DEAF1: variants seen among roughly 807,000 people sequenced by gnomAD.
DEAF1 encodes deformed epidermal autoregulatory factor 1 homolog.
Under a neutral mutation model 58.9 loss-of-function variants are expected in DEAF1, and 53 were observed. The ratio of observed to expected loss-of-function variants is 0.90; its 90% CI spans 0.72 to 1.13. DEAF1 has a LOEUF of 1.13. Among genes scored for constraint, DEAF1 ranks in the 50% most tolerant of loss-of-function variants. The pLI is 0.00. For synonymous variants in DEAF1, 385 were observed against 340.4 expected (o/e 1.13, Z -1.44); for missense variants, 685 against 791.4 (o/e 0.87, Z 1.61).
intron 10 of DEAF1, among the ~76,000 whole-genome samples, chr11:672,901 C>T (rs186706849): frequency 6.6e-6 from 1 of 151,956 alleles, no homozygotes; most frequent in African/African-American, 2.4e-5. Flanking sequence ...ATAATCCCAG[C>T]ACTTTAAGAC....
At chr11:683,805 T>C (rs1278653688) in intron 6 of DEAF1, among the ~76,000 whole-genome samples, 3 of 152,198 alleles carry the variant, frequency 2.0e-5, no homozygotes, top group Non-Finnish European at 2.9e-5. Context: ...CTCTTCAGCA[T>C]TTTCTTTAGT....
chr11:668,818 T>TA (rs201618399), intron 10 of DEAF1, among the ~76,000 whole-genome samples: 24 of 151,238 alleles, frequency 1.6e-4, no homozygotes, highest in South Asian at 2.1e-4. Context: ...TGAAACCCTT[T>TA]AAAAAAAAAG....
intron 10 of DEAF1, among the ~76,000 whole-genome samples, chr11:663,407 C>T (rs1810001842): frequency 6.6e-6 from 1 of 152,218 alleles, no homozygotes; most frequent in African/African-American, 2.4e-5. Context: ...GAGATTCTGC[C>T]ACTGCACTCC....
Position 695,140 on chromosome 11 carries a change from A to G in DEAF1, c.-93T>C. 1.7e-6 allele frequency: 2 copies of G among 1,203,202 alleles called. No individual in the cohort carries two copies. The highest frequency in any genetic ancestry group is 2.2e-6 in the Non-Finnish European group (2 of 926,458). The allele number at this position is 1,203,202 out of a possible 1,614,324, so 74.5% of individuals were successfully genotyped here. The stretch of plus-strand genomic sequence containing the variant: ...AAGCGGGGCCCGAAGAGGACGCCCG[A>G]GCTGGGCCGAGGCCGCCCGAAGCCG... On this transcript the variant is annotated 5_prime_UTR_variant, in exon 1 of 12. Coordinates refer to ENST00000382409, the MANE Select transcript of DEAF1 (RefSeq NM_021008.4).
intron 10 of DEAF1, chr11:654,700 C>A (rs1404604310): frequency 6.5e-5 from 29 of 448,558 alleles, no homozygotes; most frequent in Non-Finnish European, 1.2e-4. Flanking sequence ...GAAACCCAGT[C>A]TCTACTAAAA....
At chr11:694,346 TGTGGGGCAGGTGTGCGGGGCAG>T (rs894497660) in intron 1 of DEAF1, 1 of 143,456 alleles carries the variant, frequency 7.0e-6, no homozygotes, top group Admixed American at 8.3e-5. Context: ...GGGGCAGGTA[TGTGGGGCAGGTGTGCGGGGCAG>T]GTAGGGCAGG....
intron 10 of DEAF1, among the ~76,000 whole-genome samples, chr11:671,261 G>A (rs571971082): frequency 4.2e-5 from 6 of 142,412 alleles, no homozygotes; most frequent in East Asian, 4.3e-4. Flanking sequence ...TTGCTCTGTC[G>A]CCAGACTGGA....
chr11:691,385 C>T, intron 2 of DEAF1, 116 bp downstream of exon 2: 3 of 948,918 alleles, frequency 3.2e-6, no homozygotes, highest in Non-Finnish European at 4.9e-6. Context: ...CGTCCCTCCC[C>T]AGCTCACAGA....
intron 6 of DEAF1, 69 bp downstream of exon 6, chr11:684,829 G>T: frequency 7.4e-7 from 1 of 1,351,496 alleles, no homozygotes; most frequent in Non-Finnish European, 1.0e-6. Context: ...GAGGCCAAGG[G>T]CTGTGGGACC....
chr11:670,676 C>G (rs1234482057), intron 10 of DEAF1, among the ~76,000 whole-genome samples: 1 of 151,742 alleles, frequency 6.6e-6, no homozygotes, highest in African/African-American at 2.4e-5. Flanking sequence ...GATCACACCA[C>G]TGCACTCTAG....
At chr11:686,777 T>A in intron 5 of DEAF1, 81 bp downstream of exon 5, 1 of 1,595,516 alleles carries the variant, frequency 6.3e-7, no homozygotes, top group South Asian at 1.1e-5. Flanking sequence ...CCGTGGTCTG[T>A]GCCCTCCCTC....
intron 10 of DEAF1, among the ~76,000 whole-genome samples, chr11:654,338 T>C (rs960398143): frequency 3.3e-5 from 5 of 150,994 alleles, no homozygotes. Context: ...AGCTAATTTG[T>C]GTATTTTTAG....
chr11:672,539 A>T (rs1261289630), intron 10 of DEAF1, among the ~76,000 whole-genome samples: 4 of 152,226 alleles, frequency 2.6e-5, no homozygotes, highest in Non-Finnish European at 5.9e-5. Flanking sequence ...GAATGACAGA[A>T]AAATTTAAAA....
intron 10 of DEAF1, among the ~76,000 whole-genome samples, chr11:671,850 G>A (rs80124127): frequency 0.3 from 7,788 of 26,338 alleles, 778 homozygotes; most frequent in African/African-American, 0.47. Context: ...AAAAAAAAAA[G>A]AAACACAAAA....
At chr11:699,937 C>A (rs1384480814), upstream of DEAF1, 1 of 558,250 alleles carries the variant, frequency 1.8e-6, no homozygotes. Context: ...GGGGGTCCCA[C>A]AAAGGCCTTG....
rs759777727 is a variant in DEAF1, at chr11:700,238, AAGTC to A, written c.-438+6330_-438+6333del. The stretch of plus-strand genomic sequence containing the variant: ...GCTCCTGATGATCACGTATAAAAGT[AAGTC>A]AGGGACGGGCACAGTGGCTCACGCC... On this transcript the variant is annotated intron_variant, in intron 1 of 11. Coordinates refer to the DEAF1 transcript ENST00000683307. The A allele has an allele frequency of 5.0e-6, 8 of 1,612,836 alleles. 1 individual carries two copies. In the South Asian group the frequency reaches 8.8e-5, roughly 18 times the overall value.
upstream of DEAF1, chr11:698,931 G>A (rs770656664): frequency 9.9e-6 from 16 of 1,613,038 alleles, no homozygotes; most frequent in East Asian, 1.1e-4. Flanking sequence ...CCAGAGGCCC[G>A]AATTGCTGCT....
rs1487455699 is a variant in DEAF1, at chr11:684,764, G to A, written c.870+134C>T. 7 of 778,494 alleles carry A rather than the reference G, an allele frequency of 9.0e-6. 1 individual carries two copies. The highest frequency in any genetic ancestry group is 1.7e-5 in the African/African-American group (1 of 58,160). The allele number at this position is 778,494 out of a possible 1,614,324, so 48.2% of individuals were successfully genotyped here. ...GGGAGGAGGGAACAGAGCAACCCAG[G>A]AGAAGTGAGGACAGTGTCTCTCTCC... On this transcript the variant is annotated intron_variant, in intron 6 of 11. Transcript: ENST00000382409.
At chr11:682,080 G>C (rs1860401053) in intron 6 of DEAF1, among the ~76,000 whole-genome samples, 1 of 152,258 alleles carries the variant, frequency 6.6e-6, no homozygotes, top group Non-Finnish European at 1.5e-5. Flanking sequence ...TACTGAGCCT[G>C]TTCTCCTGGG....
Sources: gnomAD v4.1 joint callset for allele counts (sites outside exome capture counted in the v4.1 genomes callset) on GRCh38, gnomAD v4.1.1 for gene constraint, MANE v1.5 for transcripts, NCBI Gene and HGNC (gene_info 2026-07-23, HGNC 2026-07-21) for gene names.